TRPM6: variants seen among roughly 807,000 people sequenced by gnomAD.
TRPM6 encodes channel kinase 2.
TRPM6 carries 111 observed loss-of-function variants against 247.6 expected under a neutral mutation model. The observed-to-expected ratio is 0.45, with a 90% confidence interval of 0.38 to 0.52. TRPM6 has a LOEUF of 0.52. TRPM6 is among the 20% of genes least tolerant of loss of function. The pLI is 0.00. For missense variants in TRPM6, 2,126 were observed against 2,421.5 expected, an observed-to-expected ratio of 0.88 and a Z score of 2.56; for synonymous variants, 892 against 853.8, an observed-to-expected ratio of 1.04 and a Z score of -0.78.
At chr9:74,884,794 T>C (rs1831482291) in intron 1 of TRPM6, among the ~76,000 whole-genome samples, 2 of 152,228 alleles carry the variant, frequency 1.3e-5, no homozygotes, top group East Asian at 3.8e-4. Context: ...CTGTTTACCT[T>C]ACATGTACCT....
chr9:74,725,875 A>G (rs374014075), intron 38 of TRPM6, among the ~76,000 whole-genome samples: 4 of 152,346 alleles, frequency 2.6e-5, no homozygotes, highest in South Asian at 4.1e-4. Flanking sequence ...TTTATGAAAC[A>G]GGTGCTATTA....
At chr9:74,838,917 C>T (rs1484687381) in intron 5 of TRPM6, among the ~76,000 whole-genome samples, 1 of 152,010 alleles carries the variant, frequency 6.6e-6, no homozygotes, top group Non-Finnish European at 1.5e-5. Context: ...CGAGGCCAGC[C>T]TGGCCAATAT....
intron 14 of TRPM6, 85 bp from the exon 15 acceptor site, chr9:74,803,971 T>C: frequency 3.5e-6 from 3 of 854,616 alleles, no homozygotes; most frequent in Non-Finnish European, 6.1e-6. Context: ...GGGGAGATTA[T>C]AGTGGTAACA....
intron 14 of TRPM6, among the ~76,000 whole-genome samples, chr9:74,806,994 T>C (rs1347091536): frequency 6.6e-6 from 1 of 152,214 alleles, no homozygotes; most frequent in African/African-American, 2.4e-5. Flanking sequence ...CTCCTACTTG[T>C]CACTGGGAAC....
At chr9:74,878,083 C>G (rs1278053547) in intron 1 of TRPM6, among the ~76,000 whole-genome samples, 1 of 152,166 alleles carries the variant, frequency 6.6e-6, no homozygotes, top group Non-Finnish European at 1.5e-5. Context: ...GCCACCAACA[C>G]CACAGCTGGC....
At chr9:74,759,304 T>A (rs1298785056) in intron 27 of TRPM6, among the ~76,000 whole-genome samples, 1 of 31,434 alleles carries the variant, frequency 3.2e-5, no homozygotes, top group Non-Finnish European at 5.8e-5. Flanking sequence ...ATAGCCAAAC[T>A]TTTGAAAAAG....
chr9:74,755,718 A>T (rs1284184022), intron 27 of TRPM6, among the ~76,000 whole-genome samples: 1 of 152,210 alleles, frequency 6.6e-6, no homozygotes, highest in Non-Finnish European at 1.5e-5. Context: ...TTGAGTGCAC[A>T]TCAGAATCAC....
At chr9:74,830,697 C>A (rs1341658197) in intron 6 of TRPM6, among the ~76,000 whole-genome samples, 1 of 151,786 alleles carries the variant, frequency 6.6e-6, no homozygotes, top group African/African-American at 2.4e-5. Context: ...CCACCTCAGC[C>A]CCCCAAGTAG....
Position 74,820,371 on chromosome 9 carries a change from T to C in TRPM6, c.1067A>G (p.Asn356Ser). Residue 356 changes from asparagine (N) to serine (S), a missense_variant, in exon 9 of 39, where the codon AAC becomes AGC. Asn to Ser is a conservative substitution (Grantham distance 46, BLOSUM62 1). Coordinates refer to ENST00000360774, the MANE Select transcript of TRPM6 (RefSeq NM_017662.5). Reference sequence around the variant, plus strand: ...GTGCTTGGACTGTTTAAGACTAAAGTTGAAAGTGTTCTGAATCATGCAGAT... The same window carrying C: ...GTGCTTGGACTGTTTAAGACTAAAGCTGAAAGTGTTCTGAATCATGCAGAT... ...EIICMIQNTF[N>S]FSLKQSKHLF... 1 of 1,614,126 alleles carries C rather than the reference T, an allele frequency of 6.2e-7. No homozygotes were observed. Among genetic ancestry groups the C allele is most frequent in the African/African-American group, 1.3e-5 (1 of 75,034 alleles).
intron 17 of TRPM6, among the ~76,000 whole-genome samples, chr9:74,797,287 A>T (rs1282342763): frequency 6.6e-6 from 1 of 152,218 alleles, no homozygotes; most frequent in Non-Finnish European, 1.5e-5. Context: ...TGAAAAGATC[A>T]AATTACAGTT....
chr9:74,776,243 A>G, intron 23 of TRPM6, 167 bp from the exon 24 acceptor site: 1 of 662,268 alleles, frequency 1.5e-6, no homozygotes, highest in Non-Finnish European at 2.8e-6. Context: ...AACAAAATAT[A>G]TTAGCTACCT....
intron 37 of TRPM6, 67 bp from the exon 38 acceptor site, chr9:74,728,412 G>A (rs1424903106): frequency 9.6e-6 from 11 of 1,148,258 alleles, no homozygotes; most frequent in Non-Finnish European, 1.2e-5. Flanking sequence ...AGGATTCTCC[G>A]AGATACCGAA....
chr9:74,728,416 T>C (rs1825405918), intron 37 of TRPM6, 71 bp from the exon 38 acceptor site: 30 of 1,072,270 alleles, frequency 2.8e-5, no homozygotes, highest in Non-Finnish European at 4.3e-5. Flanking sequence ...TTCTCCGAGA[T>C]ACCGAACAGT....
chr9:74,876,966 T>A (rs1280565060), intron 1 of TRPM6, among the ~76,000 whole-genome samples: 2 of 152,108 alleles, frequency 1.3e-5, no homozygotes, highest in Admixed American at 1.3e-4. Flanking sequence ...AAAGAACAAA[T>A]GTCGAATAAA....
chr9:74,784,723 T>A (rs1364186268), intron 21 of TRPM6, among the ~76,000 whole-genome samples: 1 of 152,160 alleles, frequency 6.6e-6, no homozygotes, highest in Non-Finnish European at 1.5e-5. Flanking sequence ...ACAAACTAAC[T>A]ATGCAATATA....
At chr9:74,739,521 G>A in intron 34 of TRPM6, 72 bp from the exon 35 acceptor site, 2 of 1,543,332 alleles carry the variant, frequency 1.3e-6, no homozygotes, top group Non-Finnish European at 1.8e-6. Context: ...ATTACTATAG[G>A]CTACCCCAAT....
intron 2 of TRPM6, among the ~76,000 whole-genome samples, chr9:74,855,830 T>C (rs905117532): frequency 2.6e-5 from 4 of 152,116 alleles, no homozygotes; most frequent in African/African-American, 9.7e-5. Flanking sequence ...TAAGCCCCAG[T>C]TTTTATATCT....
At chr9:74,781,946 G>T (rs1827476171) in intron 23 of TRPM6, among the ~76,000 whole-genome samples, 1 of 152,144 alleles carries the variant, frequency 6.6e-6, no homozygotes, top group Admixed American at 6.5e-5. Flanking sequence ...TTTTATCTTT[G>T]TCATTATTCC....
intron 25 of TRPM6, among the ~76,000 whole-genome samples, chr9:74,769,157 T>C (rs1826927887): frequency 6.6e-6 from 1 of 152,178 alleles, no homozygotes; most frequent in African/African-American, 2.4e-5. Context: ...GGTTTGTTTG[T>C]TTGCTTGAGA....
Sources: gnomAD v4.1 joint callset for allele counts (sites outside exome capture counted in the v4.1 genomes callset) on GRCh38, gnomAD v4.1.1 for gene constraint, MANE v1.5 for transcripts, NCBI Gene and HGNC (gene_info 2026-07-23, HGNC 2026-07-21) for gene names.